Variants in KCNK2 observed in about 807,000 individuals in gnomAD.
KCNK2 encodes potassium two pore domain channel subfamily K member 2.
KCNK2 carries 21 observed loss-of-function variants against 40.5 expected under a neutral mutation model. The ratio of observed to expected loss-of-function variants is 0.52; its 90% CI spans 0.37 to 0.75. The LOEUF (loss-of-function observed/expected upper bound fraction) is 0.75, where lower values mean the gene tolerates loss of function less well. Among genes scored for constraint, KCNK2 ranks in the 30% least tolerant of loss-of-function variants. KCNK2 has a pLI of 0.00. For synonymous variants in KCNK2, 191 were observed against 202.2 expected, an observed-to-expected ratio of 0.94 and a Z score of 0.47; for missense variants, 399 against 531.6, an observed-to-expected ratio of 0.75 and a Z score of 2.45.
At chr1:215,089,546 A>G (rs1659603558) in intron 2 of KCNK2, among the ~76,000 whole-genome samples, 1 of 152,094 alleles carries the variant, frequency 6.6e-6, no homozygotes, top group Non-Finnish European at 1.5e-5. Context: ...GTTGTGTCTC[A>G]GGGTGGGGTT....
chr1:215,020,465 A>G (rs4348692), intron 1 of KCNK2, among the ~76,000 whole-genome samples: 66,852 of 152,060 alleles, frequency 0.44, 16,394 homozygotes, highest in Non-Finnish European at 0.55. Context: ...TGGCTGTGTT[A>G]CTTAGGCTGG....
intron 6 of KCNK2, among the ~76,000 whole-genome samples, chr1:215,202,896 G>A (rs1665138610): frequency 6.6e-6 from 1 of 152,118 alleles, no homozygotes; most frequent in Non-Finnish European, 1.5e-5. Flanking sequence ...TTTTAGCTAT[G>A]CTGCTTCCCA....
chr1:215,074,647 A>G (rs913130591), intron 1 of KCNK2, among the ~76,000 whole-genome samples: 1 of 152,216 alleles, frequency 6.6e-6, no homozygotes, highest in African/African-American at 2.4e-5. Context: ...TTCCTTCTGG[A>G]TTTATGGCTG....
intron 6 of KCNK2, among the ~76,000 whole-genome samples, chr1:215,203,081 T>C (rs998389829): frequency 1.3e-5 from 2 of 152,084 alleles, no homozygotes; most frequent in African/African-American, 2.4e-5. Context: ...TACTGACTCA[T>C]CAGAAACCTG....
chr1:215,154,513 C>T lies in KCNK2; in HGVS notation c.476-14686C>T, dbSNP rs545456555. On this transcript the variant is annotated intron_variant, in intron 3 of 6. Coordinates refer to ENST00000444842, the MANE Select transcript of KCNK2 (RefSeq NM_001017425.3). ...TCAGATGGGTAGATTGCAAAAATTT[C>T]CTCCCATTCTGTAGGTTGCTTGTTC... Among the ~76,000 whole-genome samples, 95 of 151,672 alleles carry T rather than the reference C, an allele frequency of 6.3e-4. 1 individual carries two copies. The highest frequency in any genetic ancestry group is 2.1e-3 in the African/African-American group (88 of 41,350).
At chr1:215,188,917 C>A (rs1237445547) in intron 5 of KCNK2, among the ~76,000 whole-genome samples, 1 of 152,094 alleles carries the variant, frequency 6.6e-6, no homozygotes, top group Non-Finnish European at 1.5e-5. Context: ...TTAATGGACA[C>A]ATATTGTATA....
chr1:215,218,679 G>A (rs1245133460), intron 6 of KCNK2, among the ~76,000 whole-genome samples: 1 of 152,100 alleles, frequency 6.6e-6, no homozygotes, highest in East Asian at 1.9e-4. Context: ...CACCACGGTA[G>A]CATCCCTCCT....
At chr1:215,032,407 CAAAACA>C (rs974307581) in intron 1 of KCNK2, among the ~76,000 whole-genome samples, 3 of 151,690 alleles carry the variant, frequency 2.0e-5, no homozygotes, top group Admixed American at 6.6e-5. Flanking sequence ...GATCCCATCT[CAAAACA>C]AAAACAAAAA....
chr1:215,083,475 T>C, intron 1 of KCNK2, 44 bp downstream of exon 1: 2 of 1,416,004 alleles, frequency 1.4e-6, no homozygotes, highest in Non-Finnish European at 1.0e-6. Flanking sequence ...GGCCGCACGC[T>C]CTCCTGCCCC....
intron 3 of KCNK2, among the ~76,000 whole-genome samples, chr1:215,139,556 G>C (rs978961010): frequency 6.6e-6 from 1 of 152,062 alleles, no homozygotes; most frequent in Non-Finnish European, 1.5e-5. Context: ...GGCCAAGGTG[G>C]GTGGATCACC....
At chr1:215,220,832 C>T (rs1666141226) in intron 6 of KCNK2, among the ~76,000 whole-genome samples, 1 of 152,144 alleles carries the variant, frequency 6.6e-6, no homozygotes, top group Admixed American at 6.6e-5. Flanking sequence ...TGCAGTCCAC[C>T]TCTTTATTCA....
At chr1:215,142,700 A>G (rs1031195019) in intron 3 of KCNK2, among the ~76,000 whole-genome samples, 3 of 152,176 alleles carry the variant, frequency 2.0e-5, no homozygotes, top group African/African-American at 7.2e-5. Flanking sequence ...GTTGGTTGCC[A>G]ATGAGTGCAT....
At chr1:215,094,927 C>T (rs545321117) in intron 2 of KCNK2, among the ~76,000 whole-genome samples, 13 of 151,986 alleles carry the variant, frequency 8.6e-5, no homozygotes, top group African/African-American at 3.1e-4. Flanking sequence ...TGTAAATTTT[C>T]GTATATTTCA....
chr1:215,172,561 C>CATAT (rs1265223386), intron 5 of KCNK2, among the ~76,000 whole-genome samples: 10 of 152,170 alleles, frequency 6.6e-5, no homozygotes, highest in African/African-American at 2.4e-4. Flanking sequence ...TGCTTATAAG[C>CATAT]ATACCAGTCA....
intron 5 of KCNK2, among the ~76,000 whole-genome samples, chr1:215,185,522 C>A (rs1664399151): frequency 6.6e-6 from 1 of 152,070 alleles, no homozygotes; most frequent in African/African-American, 2.4e-5. Context: ...TCATATAGTC[C>A]AATAGAGTAC....
At chr1:215,199,415 T>C (rs1432301655) in intron 6 of KCNK2, among the ~76,000 whole-genome samples, 1 of 152,250 alleles carries the variant, frequency 6.6e-6, no homozygotes, top group Admixed American at 6.5e-5. Context: ...AAATAAAACA[T>C]GGTATAGCTA....
At chr1:215,152,932 A>C (rs949126064) in intron 3 of KCNK2, among the ~76,000 whole-genome samples, 1 of 152,186 alleles carries the variant, frequency 6.6e-6, no homozygotes, top group Non-Finnish European at 1.5e-5. Context: ...TACTATTGTC[A>C]ATAAATGTAA....
chr1:215,211,952 A>G (rs1195260226), intron 6 of KCNK2, among the ~76,000 whole-genome samples: 9 of 152,160 alleles, frequency 5.9e-5, no homozygotes, highest in Non-Finnish European at 1.2e-4. Context: ...GCTTACAGAT[A>G]TAAAATCAAA....
chr1:215,152,233 A>G (rs1662716958), intron 3 of KCNK2, among the ~76,000 whole-genome samples: 1 of 152,062 alleles, frequency 6.6e-6, no homozygotes, highest in African/African-American at 2.4e-5. Flanking sequence ...TAGATAGAAC[A>G]TTTTAGTAGA....
Sources: allele counts gnomAD v4.1 joint callset (sites outside exome capture counted in the v4.1 genomes callset), GRCh38; gene constraint gnomAD v4.1.1; transcripts MANE v1.5; gene names NCBI Gene and HGNC (gene_info 2026-07-23, HGNC 2026-07-21).